Variants in KCNH8 observed in about 807,000 individuals in gnomAD.
KCNH8 encodes the protein potassium voltage-gated channel subfamily H member 8, also known as voltage-gated delayed rectifier potassium channel KCNH8.
In KCNH8, 70 loss-of-function variants were observed where a neutral mutation model predicts 103.6. The ratio of observed to expected loss-of-function variants is 0.68; its 90% CI spans 0.56 to 0.82. The LOEUF (loss-of-function observed/expected upper bound fraction) is 0.82. KCNH8 is among the 40% of genes least tolerant of loss of function. The pLI is 0.00. For synonymous variants in KCNH8, 498 were observed against 489.4 expected (o/e 1.02, Z -0.23); for missense variants, 1,217 against 1,329.9 (o/e 0.92, Z 1.32).
chr3:19,488,241 G>A (rs968786328), intron 11 of KCNH8, among the ~76,000 whole-genome samples: 2 of 152,176 alleles, frequency 1.3e-5, no homozygotes, highest in Non-Finnish European at 2.9e-5. Context: ...AAGTGTGGGC[G>A]ATTAGACTGG....
At chr3:19,219,629 A>G (rs901428029) in intron 1 of KCNH8, among the ~76,000 whole-genome samples, 1 of 152,242 alleles carries the variant, frequency 6.6e-6, no homozygotes, top group African/African-American at 2.4e-5. Flanking sequence ...TGGCTTTTCC[A>G]TGCCATACAT....
intron 11 of KCNH8, among the ~76,000 whole-genome samples, chr3:19,496,889 A>T (rs375113489): frequency 1.3e-5 from 2 of 152,114 alleles, no homozygotes; most frequent in Admixed American, 6.6e-5. Flanking sequence ...TGGTCTGTTC[A>T]GGGATTTAAT....
At chr3:19,514,841 G>A (rs2068846392) in intron 13 of KCNH8, among the ~76,000 whole-genome samples, 1 of 151,780 alleles carries the variant, frequency 6.6e-6, no homozygotes, top group South Asian at 2.1e-4. Context: ...ATACCTTAAA[G>A]TTTTGAATCT....
chr3:19,341,031 G>C (rs2125315995), intron 3 of KCNH8, among the ~76,000 whole-genome samples: 1 of 152,204 alleles, frequency 6.6e-6, no homozygotes, highest in East Asian at 1.9e-4. Context: ...CCCTTGACTT[G>C]GTGTTTTACA....
At chr3:19,279,455 A>G (rs1258230752) in intron 2 of KCNH8, among the ~76,000 whole-genome samples, 1 of 152,014 alleles carries the variant, frequency 6.6e-6, no homozygotes, top group Non-Finnish European at 1.5e-5. Flanking sequence ...GCTAGTTAGT[A>G]TTAGAACCAT....
intron 1 of KCNH8, among the ~76,000 whole-genome samples, chr3:19,197,974 A>G (rs969471714): frequency 4.6e-5 from 7 of 152,208 alleles, no homozygotes; most frequent in Non-Finnish European, 8.8e-5. Context: ...GGTTTTGTGT[A>G]TCAAAGGCAG....
chr3:19,168,777 G>A (rs2125191627), intron 1 of KCNH8, among the ~76,000 whole-genome samples: 2 of 152,338 alleles, frequency 1.3e-5, no homozygotes, highest in Non-Finnish European at 1.5e-5. Context: ...GATTAAAAGT[G>A]TTTAAAGTAT....
At chr3:19,455,668 C>T (rs1051218667) in intron 10 of KCNH8, among the ~76,000 whole-genome samples, 2 of 152,012 alleles carry the variant, frequency 1.3e-5, no homozygotes, top group East Asian at 1.9e-4. Context: ...AGGTCCAGCA[C>T]GCGTGGTCAG....
At chr3:19,346,975 T>C (rs934664148) in intron 4 of KCNH8, among the ~76,000 whole-genome samples, 1 of 152,084 alleles carries the variant, frequency 6.6e-6, no homozygotes, top group Non-Finnish European at 1.5e-5. Flanking sequence ...TTTGCAGTTA[T>C]CAAAAACTCC....
rs984449609 is a variant in KCNH8, at chr3:19,533,846, A to T, written c.3071A>T (p.Gln1024Leu). The T allele has an allele frequency of 1.2e-6, 2 of 1,614,194 alleles. No homozygotes were observed. The highest frequency in any genetic ancestry group is 1.1e-5 in the South Asian group (1 of 91,086). ...PHSDSTLTPLQSISATLSSSV... is the reference protein window; with the variant it reads ...PHSDSTLTPLLSISATLSSSV... ...TCAGATTCTACGTTGACGCCTCTGC[A>T]GTCCATTTCAGCAACTCTCTCATCT... The change falls in exon 16 of 16, where the codon CAG becomes CTG. Residue 1024 changes from glutamine to leucine, a missense_variant. Physicochemically the swap from Gln to Leu is moderately radical, Grantham distance 113 (BLOSUM62 -2). Transcript: ENST00000328405.
intron 3 of KCNH8, among the ~76,000 whole-genome samples, chr3:19,341,418 G>A (rs748177385): frequency 6.6e-6 from 1 of 152,016 alleles, no homozygotes; most frequent in Non-Finnish European, 1.5e-5. Flanking sequence ...ATGTTTGCTT[G>A]ACATTTCTGG....
intron 11 of KCNH8, among the ~76,000 whole-genome samples, chr3:19,495,163 G>A (rs2068412872): frequency 6.6e-6 from 1 of 152,072 alleles, no homozygotes. Flanking sequence ...TTTTCACTCT[G>A]CTGATAATTT....
At chr3:19,358,523 A>C (rs1234896430) in intron 5 of KCNH8, among the ~76,000 whole-genome samples, 1 of 152,006 alleles carries the variant, frequency 6.6e-6, no homozygotes, top group Non-Finnish European at 1.5e-5. Context: ...TTTGAAATGA[A>C]AATTGATAAA....
chr3:19,481,595 T>C (rs2068087593), intron 11 of KCNH8, among the ~76,000 whole-genome samples: 2 of 152,196 alleles, frequency 1.3e-5, no homozygotes, highest in African/African-American at 4.8e-5. Flanking sequence ...GTTCAAAGTT[T>C]CATGCATTTT....
chr3:19,410,296 T>C (rs891687758), intron 7 of KCNH8, among the ~76,000 whole-genome samples: 1 of 152,074 alleles, frequency 6.6e-6, no homozygotes, highest in African/African-American at 2.4e-5. Flanking sequence ...GAATGACTTT[T>C]GGGTGAACAA....
intron 7 of KCNH8, among the ~76,000 whole-genome samples, chr3:19,417,716 C>T (rs574018136): frequency 6.6e-6 from 1 of 151,968 alleles, no homozygotes; most frequent in East Asian, 1.9e-4. Context: ...CTTTGGAATG[C>T]ATGACAAGTT....
intron 1 of KCNH8, among the ~76,000 whole-genome samples, chr3:19,159,472 C>T (rs1188827532): frequency 6.6e-6 from 1 of 151,982 alleles, no homozygotes; most frequent in Non-Finnish European, 1.5e-5. Flanking sequence ...GTGCCGATTA[C>T]AAGGTGGTCC....
intron 11 of KCNH8, among the ~76,000 whole-genome samples, chr3:19,461,381 C>T (rs962600565): frequency 1.3e-5 from 2 of 152,176 alleles, no homozygotes; most frequent in African/African-American, 4.8e-5. Flanking sequence ...CCCAAGCATA[C>T]TGTGACTTTC....
intron 3 of KCNH8, among the ~76,000 whole-genome samples, chr3:19,337,469 T>C (rs1295823717): frequency 6.6e-6 from 1 of 152,076 alleles, no homozygotes; most frequent in Non-Finnish European, 1.5e-5. Flanking sequence ...ATTATCCTGC[T>C]TACTGACCAC....
Sources: allele counts gnomAD v4.1 joint callset (sites outside exome capture counted in the v4.1 genomes callset), GRCh38; gene constraint gnomAD v4.1.1; transcripts MANE v1.5; gene names NCBI Gene and HGNC (gene_info 2026-07-23, HGNC 2026-07-21).